Variants in ARHGAP15 observed in about 807,000 individuals in gnomAD.
ARHGAP15 encodes Rho GTPase activating protein 15.
In ARHGAP15, 51 loss-of-function variants were observed where a neutral mutation model predicts 63.7. The ratio of observed to expected loss-of-function variants is 0.80; its 90% confidence interval spans 0.64 to 1.01. ARHGAP15 has a LOEUF of 1.01. ARHGAP15 is among the 50% of genes least tolerant of loss of function. The probability of loss-of-function intolerance (pLI) is 0.00; values close to 1 mark genes in which losing one functional copy is unlikely to be tolerated. For missense variants in ARHGAP15, 560 were observed against 564.6 expected, an observed-to-expected ratio of 0.99 and a Z score of 0.08; for synonymous variants, 191 against 193.8, an observed-to-expected ratio of 0.99 and a Z score of 0.12.
At chr2:143,688,308 G>A (rs1191445199) in intron 12 of ARHGAP15, among the ~76,000 whole-genome samples, 1 of 152,104 alleles carries the variant, frequency 6.6e-6, no homozygotes, top group Admixed American at 6.6e-5. Context: ...TTTTTGAAAG[G>A]AATAAAAAAC....
At chr2:143,276,505 A>G (rs1342903083) in intron 6 of ARHGAP15, among the ~76,000 whole-genome samples, 3 of 152,192 alleles carry the variant, frequency 2.0e-5, no homozygotes, top group African/African-American at 7.2e-5. Flanking sequence ...GTCTTTGTGC[A>G]TTATTAGAAT....
chr2:143,283,910 T>C (rs1335523039), intron 6 of ARHGAP15, among the ~76,000 whole-genome samples: 2 of 152,154 alleles, frequency 1.3e-5, no homozygotes, highest in African/African-American at 4.8e-5. Context: ...GCTTCAGCTA[T>C]GCCTTTACTT....
intron 6 of ARHGAP15, among the ~76,000 whole-genome samples, chr2:143,404,484 A>AT (rs1029780659): frequency 2.0e-5 from 3 of 151,880 alleles, no homozygotes; most frequent in Non-Finnish European, 2.9e-5. Flanking sequence ...AAAAATTTAT[A>AT]TTTTTTCAGG....
intron 9 of ARHGAP15, among the ~76,000 whole-genome samples, chr2:143,496,334 TC>T (rs779061057): frequency 3.9e-5 from 6 of 152,022 alleles, no homozygotes; most frequent in Non-Finnish European, 8.8e-5. Flanking sequence ...CAGGAAACAA[TC>T]CAGGTCTTGT....
intron 11 of ARHGAP15, among the ~76,000 whole-genome samples, chr2:143,589,255 C>A (rs1697230166): frequency 6.6e-6 from 1 of 152,148 alleles, no homozygotes; most frequent in African/African-American, 2.4e-5. Flanking sequence ...ATCTTTGCTC[C>A]AAGAGATCTA....
intron 13 of ARHGAP15, among the ~76,000 whole-genome samples, chr2:143,704,337 AC>A (rs1355527423): frequency 6.6e-6 from 1 of 152,232 alleles, no homozygotes; most frequent in Non-Finnish European, 1.5e-5. Flanking sequence ...CCACAGTAGT[AC>A]AGGCAGGAGA....
chr2:143,434,795 A>G (rs1259288260), intron 6 of ARHGAP15, among the ~76,000 whole-genome samples: 1 of 152,122 alleles, frequency 6.6e-6, no homozygotes, highest in Non-Finnish European at 1.5e-5. Flanking sequence ...TTTTTTCTCT[A>G]AGTTGCCCGT....
chr2:143,703,545 G>A, intron 13 of ARHGAP15, 21 bp downstream of exon 13: 1 of 1,561,886 alleles, frequency 6.4e-7, no homozygotes, highest in Non-Finnish European at 8.7e-7. Flanking sequence ...AGGATTTCTG[G>A]ATGTGTCATT....
chr2:143,143,256 G>A (rs1481137086), intron 1 of ARHGAP15, among the ~76,000 whole-genome samples: 1 of 152,006 alleles, frequency 6.6e-6, no homozygotes, highest in African/African-American at 2.4e-5. Flanking sequence ...AAAGGCAGTT[G>A]AATCACTTCA....
At chr2:143,130,888 T>C (rs1688890848) in intron 1 of ARHGAP15, among the ~76,000 whole-genome samples, 1 of 152,168 alleles carries the variant, frequency 6.6e-6, no homozygotes, top group Non-Finnish European at 1.5e-5. Flanking sequence ...TCTGCATCTA[T>C]AGAAGCTGTA....
chr2:143,349,014 G>A (rs1685436056), intron 6 of ARHGAP15, among the ~76,000 whole-genome samples: 1 of 152,110 alleles, frequency 6.6e-6, no homozygotes, highest in Admixed American at 6.6e-5. Flanking sequence ...GTACTGGAAG[G>A]AATGAAATAA....
intron 8 of ARHGAP15, among the ~76,000 whole-genome samples, chr2:143,471,200 A>ATATGTGTGTAT (rs1028756030): frequency 9.2e-5 from 13 of 141,690 alleles, no homozygotes; most frequent in Non-Finnish European, 1.9e-4. Flanking sequence ...ATACACACAT[A>ATATGTGTGTAT]TATGTGTGTA....
chr2:143,596,897 C>A (rs2105182396), intron 11 of ARHGAP15, among the ~76,000 whole-genome samples: 1 of 152,192 alleles, frequency 6.6e-6, no homozygotes. Context: ...ATCTATGTAT[C>A]TTCACAAAAG....
intron 12 of ARHGAP15, among the ~76,000 whole-genome samples, chr2:143,681,305 G>T (rs192736212): frequency 2.6e-5 from 4 of 152,272 alleles, no homozygotes; most frequent in African/African-American, 9.6e-5. Flanking sequence ...CTGAGAAATA[G>T]AATCCCTGGG....
intron 6 of ARHGAP15, among the ~76,000 whole-genome samples, chr2:143,320,412 C>CGCCCCCCCCCCG (rs1553463637): frequency 7.8e-5 from 4 of 50,958 alleles, no homozygotes; most frequent in East Asian, 1.0e-3. Context: ...TTCCCCACCC[C>CGCCCCCCCCCCG]CCCCCCCCCC....
At chr2:143,717,505 A>G (rs1262598598) in intron 13 of ARHGAP15, among the ~76,000 whole-genome samples, 1 of 152,188 alleles carries the variant, frequency 6.6e-6, no homozygotes, top group Non-Finnish European at 1.5e-5. Context: ...TTGAACCCAA[A>G]TGAAAACCTC....
chr2:143,404,760 G>C (rs796832362), intron 6 of ARHGAP15, among the ~76,000 whole-genome samples: 2 of 151,958 alleles, frequency 1.3e-5, no homozygotes, highest in South Asian at 2.1e-4. Context: ...AGGAAGATGA[G>C]TGCCTCATCA....
intron 6 of ARHGAP15, among the ~76,000 whole-genome samples, chr2:143,413,743 G>T (rs1175498312): frequency 6.6e-6 from 1 of 152,038 alleles, no homozygotes; most frequent in African/African-American, 2.4e-5. Context: ...CAAAGTGTTG[G>T]TATTACAGGC....
chr2:143,399,208 G>A (rs1264721493), intron 6 of ARHGAP15, among the ~76,000 whole-genome samples: 1 of 151,940 alleles, frequency 6.6e-6, no homozygotes, highest in Non-Finnish European at 1.5e-5. Context: ...AATATAATGT[G>A]GAGGCTGACT....
Sources: allele counts gnomAD v4.1 joint callset (sites outside exome capture counted in the v4.1 genomes callset), GRCh38; gene constraint gnomAD v4.1.1; transcripts MANE v1.5; gene names NCBI Gene and HGNC (gene_info 2026-07-23, HGNC 2026-07-21).